Variants in TMEM74 observed in about 807,000 individuals in gnomAD.
The protein encoded by TMEM74 is transmembrane protein 74.
Under a neutral mutation model 18.1 loss-of-function variants are expected in TMEM74, and 13 were observed. That is an observed-to-expected ratio of 0.72 (90% CI 0.47 to 1.14). The LOEUF (loss-of-function observed/expected upper bound fraction) is 1.14. Among genes scored for constraint, TMEM74 ranks in the 50% most tolerant of loss-of-function variants. The pLI is 0.00. For missense variants in TMEM74, 372 were observed against 375.9 expected (o/e 0.99, Z 0.09); for synonymous variants, 159 against 146.6 (o/e 1.08, Z -0.61).
chr8:108,720,635 T>A (rs1813576888), intron 1 of TMEM74, among the ~76,000 whole-genome samples: 1 of 152,240 alleles, frequency 6.6e-6, no homozygotes, highest in South Asian at 2.1e-4. Flanking sequence ...GTCTCTTTAG[T>A]GCTCAGCTCG....
intron 1 of TMEM74, among the ~76,000 whole-genome samples, chr8:108,755,947 T>C (rs757231913): frequency 6.6e-6 from 1 of 151,922 alleles, no homozygotes; most frequent in African/African-American, 2.4e-5. Flanking sequence ...ATGGGGGGAA[T>C]GGGGAGTACT....
intron 1 of TMEM74, among the ~76,000 whole-genome samples, chr8:108,675,819 T>G (rs1813050995): frequency 1.3e-5 from 2 of 152,246 alleles, no homozygotes; most frequent in African/African-American, 4.8e-5. Flanking sequence ...CTATCCACAG[T>G]TACTAAAACA....
chr8:108,610,433 C>T (rs543935401), intron 2 of TMEM74, among the ~76,000 whole-genome samples: 1 of 152,276 alleles, frequency 6.6e-6, no homozygotes, highest in East Asian at 1.9e-4. Flanking sequence ...ATGAATCTTA[C>T]ATTCTAGTTG....
At chr8:108,660,276 C>T (rs925727460) in intron 1 of TMEM74, among the ~76,000 whole-genome samples, 2 of 152,152 alleles carry the variant, frequency 1.3e-5, no homozygotes, top group Non-Finnish European at 2.9e-5. Context: ...TACTCATTTC[C>T]AATATTCTAG....
intron 1 of TMEM74, among the ~76,000 whole-genome samples, chr8:108,753,655 CTGCTTTAATGT>C (rs1369348734): frequency 6.6e-6 from 1 of 152,042 alleles, no homozygotes; most frequent in Non-Finnish European, 1.5e-5. Flanking sequence ...TTTACTCTGG[CTGCTTTAATGT>C]TTGTCCTTTT....
Position 108,650,496 on chromosome 8 carries a change from A to G in TMEM74, n.264+4797T>C, listed in dbSNP as rs576589186. ...AAAACTCCATACCATTGGGTTCCCC[A>G]TTGCCTCTTTGACCTCACAGCCCAC... On this transcript the variant is annotated intron_variant and non_coding_transcript_variant, in intron 2 of 3. Transcript: ENST00000518838. Among the ~76,000 whole-genome samples the G allele has an allele frequency of 3.3e-5, 5 of 152,268 alleles. No homozygotes were observed. In the East Asian group the frequency reaches 9.7e-4, roughly 30 times the overall value.
chr8:108,633,880 A>G (rs1812579836), intron 2 of TMEM74, among the ~76,000 whole-genome samples: 1 of 152,032 alleles, frequency 6.6e-6, no homozygotes, highest in South Asian at 2.1e-4. Flanking sequence ...TAATATATGC[A>G]TTTTTAAGCA....
chr8:108,693,315 GA>G (rs1813248945), intron 1 of TMEM74, among the ~76,000 whole-genome samples: 1 of 152,282 alleles, frequency 6.6e-6, no homozygotes, highest in African/African-American at 2.4e-5. Context: ...GCAGTTGAAG[GA>G]AAAGTTACAT....
intron 2 of TMEM74, among the ~76,000 whole-genome samples, chr8:108,642,331 G>A (rs902775082): frequency 2.7e-5 from 4 of 150,722 alleles, no homozygotes; most frequent in East Asian, 3.9e-4. Context: ...GTTGGGAGGC[G>A]GAGGTTGCAG....
Position 108,629,601 on chromosome 8 carries a change from A to G in TMEM74, n.265-20775T>C, listed in dbSNP as rs1270012748. On this transcript the variant is annotated intron_variant and non_coding_transcript_variant, in intron 2 of 3. Coordinates refer to the TMEM74 transcript ENST00000518838. The stretch of plus-strand genomic sequence containing the variant: ...GCCAGCGAGAAAGGTCAGGTTACCT[A>G]CAAAGGGAAGCCCATCAGACTGAGA... Among the ~76,000 whole-genome samples, 3 of 152,102 alleles carry G rather than the reference A, an allele frequency of 2.0e-5. No individual in the cohort carries two copies. The East Asian group carries it at 5.8e-4, about 29-fold the overall frequency.
Position 108,782,850 on chromosome 8 carries a change from T to G in TMEM74, c.*1331A>C, listed in dbSNP as rs1252348654. Among the ~76,000 whole-genome samples, 1 of 152,160 alleles carries G rather than the reference T, an allele frequency of 6.6e-6. No individual in the cohort carries two copies. Among genetic ancestry groups the G allele is most frequent in the African/African-American group, 2.4e-5 (1 of 41,430 alleles). On this transcript the variant is annotated 3_prime_UTR_variant, in exon 2 of 2. Coordinates refer to ENST00000297459, the MANE Select transcript of TMEM74 (RefSeq NM_153015.3). Reference sequence around the variant, plus strand: ...CCAGGCAGAGTTGCAAAATGTAAGGTATTTCTGAGGCTGCATTTCCCATCC... The same window carrying G: ...CCAGGCAGAGTTGCAAAATGTAAGGGATTTCTGAGGCTGCATTTCCCATCC...
chr8:108,607,874 T>C (rs1286702173), intron 3 of TMEM74: 1 of 152,228 alleles, frequency 6.6e-6, no homozygotes, highest in Non-Finnish European at 1.5e-5. Flanking sequence ...TAGATTTTGG[T>C]TAAATTGAAT....
At chr8:108,610,260 G>A (rs546763767) in intron 2 of TMEM74, among the ~76,000 whole-genome samples, 1 of 152,084 alleles carries the variant, frequency 6.6e-6, no homozygotes, top group South Asian at 2.1e-4. Context: ...CCCCGAGATG[G>A]GGGGAGATAA....
chr8:108,733,371 TTGAG>T (rs1180330551), intron 1 of TMEM74, among the ~76,000 whole-genome samples: 1 of 152,086 alleles, frequency 6.6e-6, no homozygotes, highest in Non-Finnish European at 1.5e-5. Flanking sequence ...AAACACGATG[TTGAG>T]TAAGAGAGAA....
At chr8:108,666,634 T>A (rs562122055) in intron 1 of TMEM74, among the ~76,000 whole-genome samples, 52 of 152,240 alleles carry the variant, frequency 3.4e-4, no homozygotes, top group African/African-American at 1.2e-3. Context: ...CTACTCTTCA[T>A]CATCTTAGTA....
At chr8:108,618,271 A>G (rs779414223) in intron 2 of TMEM74, among the ~76,000 whole-genome samples, 7 of 152,176 alleles carry the variant, frequency 4.6e-5, no homozygotes, top group Non-Finnish European at 8.8e-5. Context: ...GAGCAGTAGC[A>G]ATGGGCAAAA....
In TMEM74 at chr8:108,723,461, C is replaced by CAT. The variant is rs951652111; in HGVS notation, n.119+64013_119+64014dup. On this transcript the variant is annotated intron_variant and non_coding_transcript_variant, in intron 1 of 3. Transcript: ENST00000518838. Reference sequence around the variant, plus strand: ...TTTCGTGTGTATGTGTGTGTGTGTGCATATATATATATATGAATATGTTTC... The same window carrying CAT: ...TTTCGTGTGTATGTGTGTGTGTGTGCATATATATATATATATGAATATGTTTC... Among the ~76,000 whole-genome samples, 715 of 144,888 alleles carry CAT rather than the reference C, an allele frequency of 4.9e-3. 4 individuals carry two copies. Among genetic ancestry groups the CAT allele is most frequent in the African/African-American group, 0.016 (614 of 38,488 alleles).
chr8:108,679,781 G>A (rs1364276982), intron 1 of TMEM74, among the ~76,000 whole-genome samples: 1 of 152,112 alleles, frequency 6.6e-6, no homozygotes, highest in Non-Finnish European at 1.5e-5. Flanking sequence ...TTTGGCTTTT[G>A]TTGCCATTGC....
intron 1 of TMEM74, among the ~76,000 whole-genome samples, chr8:108,656,372 C>A (rs1812821753): frequency 6.6e-6 from 1 of 152,160 alleles, no homozygotes; most frequent in Admixed American, 6.5e-5. Flanking sequence ...GGGAGTCCTA[C>A]TTTGATCTTC....
Sources: allele counts gnomAD v4.1 joint callset (sites outside exome capture counted in the v4.1 genomes callset), GRCh38; gene constraint gnomAD v4.1.1; transcripts MANE v1.5; gene names NCBI Gene and HGNC (gene_info 2026-07-23, HGNC 2026-07-21).